EFNA2: variants seen among roughly 807,000 people sequenced by gnomAD.
EFNA2 encodes the protein ephrin A2.
EFNA2 carries 18 observed loss-of-function variants against 19.7 expected under a neutral mutation model. The ratio of observed to expected loss-of-function variants is 0.91; its 90% CI spans 0.63 to 1.35. EFNA2 has a LOEUF of 1.35. Ranked by LOEUF, EFNA2 falls within the 40% of genes most tolerant of loss-of-function variation. The pLI, the probability that EFNA2 is intolerant of heterozygous loss-of-function variation, is 0.00. For synonymous variants in EFNA2, 187 were observed against 137.8 expected, an observed-to-expected ratio of 1.36 and a Z score of -2.50; for missense variants, 303 against 296.0, an observed-to-expected ratio of 1.02 and a Z score of -0.17.
intron 3 of EFNA2, 94 bp downstream of exon 3, chr19:1,298,710 G>A (rs2144625449): frequency 1.4e-6 from 2 of 1,412,738 alleles, no homozygotes; most frequent in South Asian, 2.5e-5. Flanking sequence ...CAGGACAGGG[G>A]GCCTCGGGTT....
At position 1,287,870 on chromosome 19, in the gene EFNA2, C is replaced by T. The variant is rs565340851; in HGVS notation, c.140+1562C>T. Among the ~76,000 whole-genome samples, 14 of 152,252 alleles carry T rather than the reference C, an allele frequency of 9.2e-5. No individual in the cohort carries two copies. Among genetic ancestry groups the T allele is most frequent in the Admixed American group, 2.6e-4 (4 of 15,294 alleles). ...TTTGTTCTAGCAAACGCCAAACACA[C>T]GAGGACCCGGCAACCGGGGGAGGAA... On this transcript the variant is annotated intron_variant, in intron 1 of 3. Coordinates refer to ENST00000215368, the MANE Select transcript of EFNA2 (RefSeq NM_001405.4). This position sits in a 1 kb window ranked among gnomAD's most constrained non-coding sequence, Gnocchi z 6.2.
At chr19:1,285,299 C>T (rs1294533123), upstream of EFNA2, among the ~76,000 whole-genome samples, 1 of 152,176 alleles carries the variant, frequency 6.6e-6, no homozygotes, top group Non-Finnish European at 1.5e-5. The surrounding 1 kb of genome is among the most constrained non-coding windows in gnomAD (Gnocchi z 4.1). Flanking sequence ...CTTCTTGGAT[C>T]CCATCCCCAG....
At chr19:1,285,342 G>A (rs2081458243), upstream of EFNA2, among the ~76,000 whole-genome samples, 1 of 152,164 alleles carries the variant, frequency 6.6e-6, no homozygotes, top group Non-Finnish European at 1.5e-5. The surrounding 1 kb of genome is among the most constrained non-coding windows in gnomAD (Gnocchi z 4.1). Context: ...CACCTACTAT[G>A]CTCCCGGCAC....
intron 2 of EFNA2, among the ~76,000 whole-genome samples, chr19:1,298,179 G>C (rs1365509488): frequency 6.6e-6 from 1 of 151,284 alleles, no homozygotes; most frequent in Non-Finnish European, 1.5e-5. Flanking sequence ...CTCAGAGGCA[G>C]AGATTTGAAC....
chr19:1,284,307 T>C (rs1206950264), upstream of EFNA2, among the ~76,000 whole-genome samples: 1 of 152,170 alleles, frequency 6.6e-6, no homozygotes, highest in Non-Finnish European at 1.5e-5. The surrounding 1 kb of genome is among the most constrained non-coding windows in gnomAD (Gnocchi z 5.3). Flanking sequence ...CTGGGACAGG[T>C]TCACGCCCTC....
At chr19:1,298,737 C>A in intron 3 of EFNA2, 121 bp downstream of exon 3, 1 of 1,095,590 alleles carries the variant, frequency 9.1e-7, no homozygotes, top group Non-Finnish European at 1.3e-6. Flanking sequence ...TCTTGCCCTG[C>A]CTTGCCCCAG....
Position 1,300,995 on chromosome 19 carries a change from A to T in EFNA2, c.*1050A>T, listed in dbSNP as rs1052295386. 4.6e-5 allele frequency among the ~76,000 whole-genome samples: 7 copies of T among 150,672 alleles called. No homozygotes were observed. The highest frequency in any genetic ancestry group is 1.7e-4 in the African/African-American group (7 of 40,804). Reference sequence around the variant, plus strand: ...GTGGGGGGGTGGGGTGGACTTTTAGAGTAGAAGCTGCACTTGGCAATAAGC... The same window carrying T: ...GTGGGGGGGTGGGGTGGACTTTTAGTGTAGAAGCTGCACTTGGCAATAAGC... On this transcript the variant is annotated 3_prime_UTR_variant, in exon 4 of 4. Transcript: ENST00000215368.
At chr19:1,291,400 G>A (rs544697119) in intron 1 of EFNA2, among the ~76,000 whole-genome samples, 1 of 152,348 alleles carries the variant, frequency 6.6e-6, no homozygotes, top group East Asian at 1.9e-4. Context: ...GTCCTGAGCA[G>A]GAGGAAAAGC....
rs977161172 is a variant in EFNA2, at chr19:1,300,151, C to T, written c.*206C>T. On this transcript the variant is annotated 3_prime_UTR_variant, in exon 4 of 4. Transcript: ENST00000215368. ...GGAGGGGAAACGGCCGAGAGCCCCC[C>T]CCCGGAGGCCCGAGGGGCCGGGGTG... The T allele has an allele frequency of 3.1e-6, 2 of 649,896 alleles. No individual in the cohort carries two copies. The highest frequency in any genetic ancestry group is 4.8e-6 in the Non-Finnish European group (2 of 418,424). The allele number at this position is 649,896 out of a possible 1,614,324, so 40.3% of individuals were successfully genotyped here. A position where few individuals can be genotyped will look rare whatever the true frequency, so the allele number is the denominator to read the frequency against.
At chr19:1,292,745 G>A (rs747128082) in intron 1 of EFNA2, among the ~76,000 whole-genome samples, 5 of 152,184 alleles carry the variant, frequency 3.3e-5, no homozygotes, top group Admixed American at 6.5e-5. Context: ...GCTCTGAGCC[G>A]CCGCCAACGT....
At chr19:1,289,838 C>T (rs1174130207) in intron 1 of EFNA2, among the ~76,000 whole-genome samples, 3 of 152,156 alleles carry the variant, frequency 2.0e-5, no homozygotes, top group Non-Finnish European at 4.4e-5. Flanking sequence ...GCTCCGCTGG[C>T]GTCCCTCGGC....
rs186256633 is a variant in EFNA2 at position 1,301,184 on chromosome 19, A to G, written c.*1239A>G. ...GAAACAACACATTTATACGGATTTC[A>G]TATTTCTACCCGCCTTTCCTGACTC... On this transcript the variant is annotated 3_prime_UTR_variant, in exon 4 of 4. Coordinates refer to ENST00000215368, the MANE Select transcript of EFNA2 (RefSeq NM_001405.4). Among the ~76,000 whole-genome samples the G allele has an allele frequency of 1.4e-3, 209 of 149,794 alleles. 1 individual carries two copies. Among genetic ancestry groups the G allele is most frequent in the African/African-American group, 5.0e-3 (204 of 41,020 alleles).
Position 1,301,166 on chromosome 19 carries a change from C to T in EFNA2, c.*1221C>T, listed in dbSNP as rs985418878. Among the ~76,000 whole-genome samples the T allele has an allele frequency of 6.7e-6, 1 of 150,074 alleles. No homozygotes were observed. The highest frequency in any genetic ancestry group is 1.5e-5 in the Non-Finnish European group (1 of 67,684). On this transcript the variant is annotated 3_prime_UTR_variant, in exon 4 of 4. Coordinates refer to ENST00000215368, the MANE Select transcript of EFNA2 (RefSeq NM_001405.4). ...GAAGACACTTTAATGAAGGAAACAA[C>T]ACATTTATACGGATTTCATATTTCT...
At chr19:1,289,367 G>T (rs898372850) in intron 1 of EFNA2, among the ~76,000 whole-genome samples, 12 of 152,230 alleles carry the variant, frequency 7.9e-5, no homozygotes, top group Admixed American at 1.3e-4. Flanking sequence ...CTGCGTGTGG[G>T]GTGCATGTAA....
intron 3 of EFNA2, among the ~76,000 whole-genome samples, chr19:1,299,204 C>T (rs1046926148): frequency 1.3e-5 from 2 of 151,776 alleles, no homozygotes; most frequent in Non-Finnish European, 2.9e-5. Context: ...CGCCACTGCT[C>T]TCCAGTCTGG....
In EFNA2 at chr19:1,286,517, C is replaced by T. The variant is rs1464553896; in HGVS notation, c.140+209C>T. Among the ~76,000 whole-genome samples the T allele has an allele frequency of 6.6e-6, 1 of 151,952 alleles. No homozygotes were observed. The highest frequency in any genetic ancestry group is 1.5e-5 in the Non-Finnish European group (1 of 67,910). ...CTTTTCGCGCCTGCCTTCCCCGGGG[C>T]GCCCCATTGCCCTACGGACTGTGGG... On this transcript the variant is annotated intron_variant, in intron 1 of 3. Transcript: ENST00000215368. This position sits in a 1 kb window ranked among gnomAD's most constrained non-coding sequence, Gnocchi z 5.6.
intron 1 of EFNA2, among the ~76,000 whole-genome samples, chr19:1,288,679 G>A (rs1383037943): frequency 6.6e-6 from 1 of 152,118 alleles, no homozygotes; most frequent in African/African-American, 2.4e-5. Context: ...CGATGACTGT[G>A]TGGTCTGTCT....
Position 1,287,629 on chromosome 19 carries a change from C to T in EFNA2, c.140+1321C>T, listed in dbSNP as rs1280265936. On this transcript the variant is annotated intron_variant, in intron 1 of 3. Transcript: ENST00000215368. The surrounding 1 kb of genome is among the most constrained non-coding windows in gnomAD (Gnocchi z 6.2). ...CACCCCCCACCCTGGTCAACGGCCT[C>T]GGGTCGGGCCCTGGGGGCTGAGGGC... Among the ~76,000 whole-genome samples the T allele has an allele frequency of 6.6e-6, 1 of 151,990 alleles. No homozygotes were observed. Among genetic ancestry groups the T allele is most frequent in the Non-Finnish European group, 1.5e-5 (1 of 67,968 alleles).
rs766063913 is a variant in EFNA2 at position 1,299,963 on chromosome 19, G to A, written c.*18G>A. 3.8e-6 allele frequency: 6 copies of A among 1,583,646 alleles called. No homozygotes were observed. Among genetic ancestry groups the A allele is most frequent in the African/African-American group, 1.3e-5 (1 of 74,270 alleles). ...GTTCCTAGTCCCAGCCCCGCAGGAC[G>A]CCGACCCTGCCTGGACGGCCCCGCC... On this transcript the variant is annotated 3_prime_UTR_variant, in exon 4 of 4. Transcript: ENST00000215368.
Sources: allele counts gnomAD v4.1 joint callset (sites outside exome capture counted in the v4.1 genomes callset), GRCh38; gene constraint gnomAD v4.1.1; non-coding constraint Gnocchi (gnomAD v3.1); transcripts MANE v1.5; gene names NCBI Gene and HGNC (gene_info 2026-07-23, HGNC 2026-07-21).